MAP2K5: variants seen among roughly 807,000 people sequenced by gnomAD.
MAP2K5 encodes the protein dual specificity mitogen-activated protein kinase kinase 5.
In MAP2K5, 49 loss-of-function variants were observed where a neutral mutation model predicts 83.1. The observed-to-expected ratio is 0.59, with a 90% CI of 0.47 to 0.75. The LOEUF (loss-of-function observed/expected upper bound fraction) is 0.75, where lower values mean the gene tolerates loss of function less well. Ranked by LOEUF, MAP2K5 falls within the 30% of genes least tolerant of loss-of-function variation. The probability of loss-of-function intolerance (pLI) is 0.00; values close to 1 mark genes in which losing one functional copy is unlikely to be tolerated. For missense variants in MAP2K5, 457 were observed against 557.5 expected (o/e 0.82, Z 1.82); for synonymous variants, 202 against 191.8 (o/e 1.05, Z -0.44).
rs2084321022 is a variant in MAP2K5, at chr15:67,542,858, A to G, written c.-478A>G. 1 of 153,636 alleles carries G rather than the reference A, an allele frequency of 6.5e-6. No homozygotes were observed. The allele number at this position is 153,636 out of a possible 1,614,324, so 9.5% of individuals were successfully genotyped here. On this transcript the variant is annotated 5_prime_UTR_variant, in exon 1 of 22. Coordinates refer to ENST00000178640, the MANE Select transcript of MAP2K5 (RefSeq NM_145160.3). ...CTCGCCCCTTGAACCTCCCGCGGGG[A>G]CTCTCCGTGGTGTGGCGGCCCTGGG...
rs1465238062 is a variant in MAP2K5 at position 67,775,937 on chromosome 15, C to T, written c.1242+3185C>T. 6.6e-6 allele frequency among the ~76,000 whole-genome samples: 1 copy of T among 152,168 alleles called. No individual in the cohort carries two copies. Among genetic ancestry groups the T allele is most frequent in the Non-Finnish European group, 1.5e-5 (1 of 68,016 alleles). On this transcript the variant is annotated intron_variant, in intron 21 of 21. Coordinates refer to ENST00000178640, the MANE Select transcript of MAP2K5 (RefSeq NM_145160.3). The surrounding 1 kb of genome is among the most constrained non-coding windows in gnomAD (Gnocchi z 5.3). ...ACATATTCACCACCAGCTGGGCAAT[C>T]TCTTAAGACATTCCACTTCTATACA... is the stretch of plus-strand genomic sequence containing the variant.
At chr15:67,685,484 G>C (rs778808086) in intron 13 of MAP2K5, among the ~76,000 whole-genome samples, 1 of 152,140 alleles carries the variant, frequency 6.6e-6, no homozygotes, top group Non-Finnish European at 1.5e-5. Flanking sequence ...TGGATGGTTA[G>C]ATCTACACAA....
chr15:67,695,132 A>G, intron 15 of MAP2K5, among the ~76,000 whole-genome samples: 1 of 134,306 alleles, frequency 7.4e-6, no homozygotes, highest in African/African-American at 2.8e-5. Flanking sequence ...GGGGGGAGGG[A>G]TGGCATTGGG....
chr15:67,633,547 G>A (rs1037715491), intron 9 of MAP2K5, among the ~76,000 whole-genome samples: 4 of 152,184 alleles, frequency 2.6e-5, no homozygotes, highest in Non-Finnish European at 5.9e-5. Context: ...TTTAAAGAAA[G>A]GACATATTTA....
In MAP2K5 at chr15:67,775,401, TCAGC is replaced by T. The variant is rs1308855217; in HGVS notation, c.1242+2650_1242+2653del. Among the ~76,000 whole-genome samples the T allele has an allele frequency of 6.6e-6, 1 of 152,250 alleles. No individual in the cohort carries two copies. Among genetic ancestry groups the T allele is most frequent in the African/African-American group, 2.4e-5 (1 of 41,458 alleles). On this transcript the variant is annotated intron_variant, in intron 21 of 21. Coordinates refer to ENST00000178640, the MANE Select transcript of MAP2K5 (RefSeq NM_145160.3). This position sits in a 1 kb window ranked among gnomAD's most constrained non-coding sequence, Gnocchi z 5.3. ...CATTTTGGGGAGGCCAGGATACGTT[TCAGC>T]TGCTGTGGTTTTCTGGCATGTAGCC...
At chr15:67,582,823 AACACACAC>A (rs10579310) in intron 4 of MAP2K5, among the ~76,000 whole-genome samples, 9 of 148,216 alleles carry the variant, frequency 6.1e-5, no homozygotes, top group Non-Finnish European at 1.0e-4. Context: ...ATTGTCTCAA[AACACACAC>A]ACACACACAC....
intron 17 of MAP2K5, among the ~76,000 whole-genome samples, chr15:67,734,792 A>G (rs750032108): frequency 1.3e-5 from 2 of 152,220 alleles, no homozygotes; most frequent in Non-Finnish European, 2.9e-5. Context: ...GGATTTAAGT[A>G]AATTTTTAAA....
intron 21 of MAP2K5, among the ~76,000 whole-genome samples, chr15:67,792,055 T>C (rs375939032): frequency 1.6e-4 from 25 of 152,272 alleles, no homozygotes; most frequent in African/African-American, 6.0e-4. Flanking sequence ...TCACCTGCAT[T>C]GGTGAGAAGA....
rs1281720124 is a variant in MAP2K5 at position 67,774,176 on chromosome 15, TGTGTGTG to T, written c.1242+1425_1242+1431del. 1.8e-4 allele frequency among the ~76,000 whole-genome samples: 6 copies of T among 33,432 alleles called. No individual in the cohort carries two copies. Among genetic ancestry groups the T allele is most frequent in the Non-Finnish European group, 5.9e-4 (6 of 10,144 alleles). 21.9% of individuals were successfully genotyped at this position (33,432 alleles called of 152,430 possible). A position where few individuals can be genotyped will look rare whatever the true frequency, so the allele number is the denominator to read the frequency against. ...CAAGTGATGTGTGTGTATGTGTGTG[TGTGTGTG>T]TGTGTGTGTGTGTGTGTGTGAGAGA... On this transcript the variant is annotated intron_variant, in intron 21 of 21. Transcript: ENST00000178640. The surrounding 1 kb of genome is among the most constrained non-coding windows in gnomAD (Gnocchi z 4.9).
At chr15:67,776,471 C>T (rs1303813652) in intron 21 of MAP2K5, among the ~76,000 whole-genome samples, 1 of 152,036 alleles carries the variant, frequency 6.6e-6, no homozygotes, top group Non-Finnish European at 1.5e-5. Context: ...AGCCCCTTGC[C>T]AGTCAGAAAG....
rs150580099 is a variant in MAP2K5 at position 67,736,006 on chromosome 15, A to G, written c.1074+8061A>G. Among the ~76,000 whole-genome samples, 9 of 152,288 alleles carry G rather than the reference A, an allele frequency of 5.9e-5. No individual in the cohort carries two copies. The highest frequency in any genetic ancestry group is 2.2e-4 in the African/African-American group (9 of 41,554). On this transcript the variant is annotated intron_variant, in intron 17 of 21. Transcript: ENST00000178640. The surrounding 1 kb of genome is among the most constrained non-coding windows in gnomAD (Gnocchi z 4.3). Reference sequence around the variant, plus strand: ...AGATAAAGGTCTAAAACAGCATATTATATTTGGTGTTGTTCCGGTACTTTA... The same window carrying G: ...AGATAAAGGTCTAAAACAGCATATTGTATTTGGTGTTGTTCCGGTACTTTA...
Position 67,722,786 on chromosome 15 carries a change from A to T in MAP2K5, c.1045-5130A>T, listed in dbSNP as rs2088994270. On this transcript the variant is annotated intron_variant, in intron 16 of 21. Coordinates refer to ENST00000178640, the MANE Select transcript of MAP2K5 (RefSeq NM_145160.3). This position sits in a 1 kb window ranked among gnomAD's most constrained non-coding sequence, Gnocchi z 4.2. ...TTCTATAAAATGAAGATTTAACTGC[A>T]GCGCACAATCTAAATGCAAAATCCT... Among the ~76,000 whole-genome samples, 1 of 152,210 alleles carries T rather than the reference A, an allele frequency of 6.6e-6. No homozygotes were observed. Among genetic ancestry groups the T allele is most frequent in the Admixed American group, 6.5e-5 (1 of 15,286 alleles).
intron 15 of MAP2K5, among the ~76,000 whole-genome samples, 166 bp from the exon 16 acceptor site, chr15:67,703,171 T>G (rs755463668): frequency 1.3e-5 from 2 of 152,252 alleles, no homozygotes; most frequent in African/African-American, 2.4e-5. Flanking sequence ...ATCATCTATA[T>G]ACTGTATGCA....
intron 13 of MAP2K5, among the ~76,000 whole-genome samples, chr15:67,679,170 C>A (rs568565397): frequency 8.5e-5 from 13 of 152,188 alleles, no homozygotes; most frequent in Admixed American, 3.9e-4. Context: ...GGGCAGTGGG[C>A]GGAGGAGCCC....
chr15:67,628,467 G>A (rs557105145), intron 8 of MAP2K5: 147 of 590,438 alleles, frequency 2.5e-4, no homozygotes, highest in East Asian at 2.2e-3. Flanking sequence ...GCGACAGAGC[G>A]AGACTCCATC....
chr15:67,692,640 A>G (rs2088144182), intron 14 of MAP2K5, 88 bp downstream of exon 14: 1 of 983,164 alleles, frequency 1.0e-6, no homozygotes, highest in Non-Finnish European at 1.6e-6. Flanking sequence ...AAAATCACCT[A>G]GCTGCCAGAC....
rs952307963 is a variant in MAP2K5 at position 67,785,438 on chromosome 15, C to T, written c.1242+12686C>T. ...GGCCAGCAGCAAGCAGTTCACAGGA[C>T]GACTACTTGAGTGGCACAGCTGTAG... On this transcript the variant is annotated intron_variant, in intron 21 of 21. Coordinates refer to ENST00000178640, the MANE Select transcript of MAP2K5 (RefSeq NM_145160.3). This position sits in a 1 kb window ranked among gnomAD's most constrained non-coding sequence, Gnocchi z 4.4. 2.0e-5 allele frequency among the ~76,000 whole-genome samples: 3 copies of T among 152,138 alleles called. No individual in the cohort carries two copies. Among genetic ancestry groups the T allele is most frequent in the Non-Finnish European group, 4.4e-5 (3 of 68,018 alleles).
chr15:67,739,511 C>T (rs2089444619), intron 17 of MAP2K5, among the ~76,000 whole-genome samples: 1 of 99,352 alleles, frequency 1.0e-5, no homozygotes, highest in Non-Finnish European at 1.8e-5. Context: ...GATGGAGTCT[C>T]ACTCTGTTGC....
rs67575262 is a variant in MAP2K5 at position 67,780,271 on chromosome 15, CTTT to C, written c.1242+7531_1242+7533del. Among the ~76,000 whole-genome samples, 2 of 148,634 alleles carry C rather than the reference CTTT, an allele frequency of 1.3e-5. No homozygotes were observed. Among genetic ancestry groups the C allele is most frequent in the Admixed American group, 6.7e-5 (1 of 14,944 alleles). On this transcript the variant is annotated intron_variant, in intron 21 of 21. Transcript: ENST00000178640. The surrounding 1 kb of genome is among the most constrained non-coding windows in gnomAD (Gnocchi z 5.0). ...AGAAGCTCTGGCCAGGGAGCAGATA[CTTT>C]TTTTTTTTTTTAACCTTTAAAGTTC... is the stretch of plus-strand genomic sequence containing the variant.
Sources: allele counts gnomAD v4.1 joint callset (sites outside exome capture counted in the v4.1 genomes callset), GRCh38; gene constraint gnomAD v4.1.1; non-coding constraint Gnocchi (gnomAD v3.1); transcripts MANE v1.5; gene names NCBI Gene and HGNC (gene_info 2026-07-23, HGNC 2026-07-21).